TBL1XR1: variants seen among roughly 807,000 people sequenced by gnomAD.
TBL1XR1 encodes F-box-like/WD repeat-containing protein TBL1XR1.
A neutral mutation model predicts 66.9 loss-of-function variants in TBL1XR1; 5 were observed. The ratio of observed to expected loss-of-function variants is 0.07; its 90% confidence interval spans 0.04 to 0.16. The LOEUF (loss-of-function observed/expected upper bound fraction) is 0.16. Among genes scored for constraint, TBL1XR1 ranks in the 10% least tolerant of loss-of-function variants. TBL1XR1 has a pLI of 1.00. For missense variants in TBL1XR1, 238 were observed against 623.2 expected, an observed-to-expected ratio of 0.38 and a Z score of 6.58; for synonymous variants, 210 against 206.0, an observed-to-expected ratio of 1.02 and a Z score of -0.17.
At position 177,025,497 on chromosome 3, in the gene TBL1XR1, G is replaced by A. The variant is rs772530865; in HGVS notation, c.*1C>T. 2.3e-5 allele frequency: 37 copies of A among 1,612,352 alleles called. No homozygotes were observed. Among genetic ancestry groups the A allele is most frequent in the African/African-American group, 1.6e-4 (12 of 74,870 alleles). Reference sequence around the variant, plus strand: ...CGGTCCATGGCTTCCAACTAGTAGCGCTATTTCCGAAGGTCTAATACACAA... The same window carrying A: ...CGGTCCATGGCTTCCAACTAGTAGCACTATTTCCGAAGGTCTAATACACAA... On this transcript the variant is annotated 3_prime_UTR_variant, in exon 16 of 16. Transcript: ENST00000457928.
chr3:177,065,579 C>G (rs1577063994), intron 2 of TBL1XR1, among the ~76,000 whole-genome samples: 1 of 152,236 alleles, frequency 6.6e-6, no homozygotes, highest in East Asian at 1.9e-4. Flanking sequence ...GAATACAGTT[C>G]CCAAAACTCA....
intron 1 of TBL1XR1, among the ~76,000 whole-genome samples, chr3:177,184,240 T>C (rs1229735322): frequency 1.3e-5 from 2 of 152,224 alleles, no homozygotes; most frequent in African/African-American, 2.4e-5. Context: ...ATCTGTCACC[T>C]TGACATCAAT....
intron 1 of TBL1XR1, among the ~76,000 whole-genome samples, chr3:177,143,926 T>A (rs1477024092): frequency 6.6e-6 from 1 of 152,208 alleles, no homozygotes; most frequent in Non-Finnish European, 1.5e-5. Flanking sequence ...GGAGTGGGGA[T>A]GACTGCTTCT....
At chr3:177,163,302 T>C (rs900368904) in intron 1 of TBL1XR1, among the ~76,000 whole-genome samples, 1 of 151,652 alleles carries the variant, frequency 6.6e-6, no homozygotes, top group African/African-American at 2.4e-5. Context: ...AGGTCAGGAG[T>C]TCGAGACCAG....
intron 1 of TBL1XR1, among the ~76,000 whole-genome samples, chr3:177,144,468 A>G (rs1730003065): frequency 6.6e-6 from 1 of 151,250 alleles, no homozygotes; most frequent in South Asian, 2.1e-4. Context: ...AGCAGCCATA[A>G]CCTGGCCGGG....
At chr3:177,160,064 T>C (rs1205050690) in intron 1 of TBL1XR1, among the ~76,000 whole-genome samples, 1 of 151,572 alleles carries the variant, frequency 6.6e-6, no homozygotes, top group Admixed American at 6.6e-5. Flanking sequence ...CAATAAAGAG[T>C]GGGGAAAATG....
At chr3:177,105,148 T>C (rs1724715505) in intron 1 of TBL1XR1, among the ~76,000 whole-genome samples, 1 of 152,204 alleles carries the variant, frequency 6.6e-6, no homozygotes. Context: ...GTATCTATGA[T>C]TTTAAGTTAT....
chr3:177,140,600 A>G (rs1729519406), intron 1 of TBL1XR1, among the ~76,000 whole-genome samples: 1 of 152,162 alleles, frequency 6.6e-6, no homozygotes, highest in South Asian at 2.1e-4. Context: ...AAAACACAAC[A>G]CGACCTGGAA....
intron 1 of TBL1XR1, among the ~76,000 whole-genome samples, chr3:177,136,807 T>TCTTTTACTCTCTTCCCCCAGGG (rs1729050659): frequency 6.6e-6 from 1 of 152,180 alleles, no homozygotes; most frequent in Admixed American, 6.5e-5. Flanking sequence ...GCTGGTCCTG[T>TCTTTTACTCTCTTCCCCCAGGG]CTTTTACTCT....
At chr3:177,096,921 A>G (rs1723568748) in intron 2 of TBL1XR1, among the ~76,000 whole-genome samples, 3 of 152,152 alleles carry the variant, frequency 2.0e-5, no homozygotes, top group African/African-American at 7.2e-5. Flanking sequence ...CGAGAGAGAA[A>G]AGAGAAAGGA....
chr3:177,089,289 G>A (rs946622728), intron 2 of TBL1XR1, among the ~76,000 whole-genome samples: 9 of 152,132 alleles, frequency 5.9e-5, no homozygotes, highest in African/African-American at 1.9e-4. Context: ...TTCCCAAGCA[G>A]CTGGGTAGCT....
At chr3:177,094,209 C>A (rs1723178566) in intron 2 of TBL1XR1, among the ~76,000 whole-genome samples, 1 of 151,844 alleles carries the variant, frequency 6.6e-6, no homozygotes, top group Non-Finnish European at 1.5e-5. Flanking sequence ...AAATGACCAA[C>A]AAACATGAAA....
chr3:177,029,146 A>G (rs554123575), intron 14 of TBL1XR1, among the ~76,000 whole-genome samples: 2 of 151,822 alleles, frequency 1.3e-5, no homozygotes, highest in Non-Finnish European at 2.9e-5. Context: ...ATCAAAAAGG[A>G]AAGATCTAGC....
intron 1 of TBL1XR1, among the ~76,000 whole-genome samples, chr3:177,165,469 T>G (rs1057266497): frequency 6.6e-6 from 1 of 152,126 alleles, no homozygotes; most frequent in African/African-American, 2.4e-5. Context: ...CCAGCAAATT[T>G]TGTGGATATC....
At chr3:177,026,058 G>T in intron 15 of TBL1XR1, 1 of 348,366 alleles carries the variant, frequency 2.9e-6, no homozygotes, top group Non-Finnish European at 5.2e-6. Flanking sequence ...AGAGGAGAAG[G>T]TAGAAATACA....
chr3:177,105,085 G>A (rs1724707743), intron 1 of TBL1XR1, among the ~76,000 whole-genome samples: 1 of 152,198 alleles, frequency 6.6e-6, no homozygotes, highest in Non-Finnish European at 1.5e-5. Flanking sequence ...TTTTGAACAT[G>A]AGAAAAAGCT....
At chr3:177,112,157 A>G (rs1390552765) in intron 1 of TBL1XR1, among the ~76,000 whole-genome samples, 3 of 123,916 alleles carry the variant, frequency 2.4e-5, no homozygotes, top group Non-Finnish European at 4.8e-5. Flanking sequence ...GCCGAGGCTG[A>G]AGTACAGTGG....
chr3:177,191,800 T>C (rs1018807330), intron 1 of TBL1XR1, among the ~76,000 whole-genome samples: 1 of 151,846 alleles, frequency 6.6e-6, no homozygotes, highest in Non-Finnish European at 1.5e-5. Context: ...CTTGAAAGAG[T>C]TCCCTTTGTA....
chr3:177,103,283 A>T (rs1024921574), intron 1 of TBL1XR1, among the ~76,000 whole-genome samples: 1 of 152,366 alleles, frequency 6.6e-6, no homozygotes, highest in Non-Finnish European at 1.5e-5. Flanking sequence ...CAATCACATT[A>T]TTAGTGTAAA....
Sources: allele counts gnomAD v4.1 joint callset (sites outside exome capture counted in the v4.1 genomes callset), GRCh38; gene constraint gnomAD v4.1.1; transcripts MANE v1.5; gene names NCBI Gene and HGNC (gene_info 2026-07-23, HGNC 2026-07-21).